The following CDH6 variants were observed in gnomAD, a reference collection of about 807,000 sequenced individuals.
CDH6 encodes cadherin 6, also known as cadherin-6.
Under a neutral mutation model 78.0 loss-of-function variants are expected in CDH6, and 31 were observed. That is an observed-to-expected ratio of 0.40 (90% CI 0.30 to 0.54). The LOEUF is 0.54. CDH6 is among the 20% of genes least tolerant of loss of function. The pLI is 0.56. For missense variants in CDH6, 724 were observed against 975.9 expected (o/e 0.74, Z 3.44); for synonymous variants, 376 against 368.8 (o/e 1.02, Z -0.23).
intron 5 of CDH6, among the ~76,000 whole-genome samples, chr5:31,301,812 C>T (rs1179360890): frequency 6.6e-6 from 1 of 152,230 alleles, no homozygotes; most frequent in East Asian, 1.9e-4. Flanking sequence ...TTGAAACCTT[C>T]TATGCCTCCT....
chr5:31,231,405 T>C (rs1741306598), intron 1 of CDH6, among the ~76,000 whole-genome samples: 1 of 152,180 alleles, frequency 6.6e-6, no homozygotes, highest in South Asian at 2.1e-4. Flanking sequence ...AGTTCCAGCT[T>C]ATTTTGAATA....
chr5:31,226,866 A>G (rs1340388327), intron 1 of CDH6, among the ~76,000 whole-genome samples: 1 of 152,218 alleles, frequency 6.6e-6, no homozygotes, highest in East Asian at 1.9e-4. Context: ...TTATTATGCA[A>G]TCAAATCACT....
chr5:31,271,419 T>G (rs189502542), intron 2 of CDH6, among the ~76,000 whole-genome samples: 42 of 152,314 alleles, frequency 2.8e-4, no homozygotes, highest in African/African-American at 9.9e-4. Context: ...TGTCTTAACC[T>G]TCCTCAGCCT....
intron 1 of CDH6, among the ~76,000 whole-genome samples, chr5:31,202,284 T>A (rs1230779002): frequency 1.3e-5 from 2 of 152,176 alleles, no homozygotes; most frequent in Non-Finnish European, 2.9e-5. Flanking sequence ...AGCTTAAATC[T>A]CCTTTTGCAG....
rs1225191317 is a variant in CDH6, at chr5:31,305,397, A to G, written c.1223A>G (p.Gln408Arg). 1.2e-6 allele frequency: 2 copies of G among 1,614,074 alleles called. No individual in the cohort carries two copies. The highest frequency in any genetic ancestry group is 1.7e-4 in the Middle Eastern group (1 of 6,054). ...ACCACAATAGGCTCCGTCACAGCCCAAGATCCAGATGCTGCCAGGAATCCT... is the reference window on the plus strand; with the variant it reads ...ACCACAATAGGCTCCGTCACAGCCCGAGATCCAGATGCTGCCAGGAATCCT... ...INTTIGSVTA[Q>R]DPDAARNPVK... Residue 408 changes from glutamine to arginine, a missense_variant, in exon 7 of 12, where the codon CAA becomes CGA. Coordinates refer to ENST00000265071, the MANE Select transcript of CDH6 (RefSeq NM_004932.4).
At chr5:31,306,608 C>A (rs949690723) in intron 7 of CDH6, among the ~76,000 whole-genome samples, 1 of 152,098 alleles carries the variant, frequency 6.6e-6, no homozygotes, top group East Asian at 1.9e-4. Context: ...GTCAATTACT[C>A]CCCATAAACA....
At chr5:31,251,594 G>A (rs1741910823) in intron 1 of CDH6, 1 of 152,146 alleles carries the variant, frequency 6.6e-6, no homozygotes, top group African/African-American at 2.4e-5. Context: ...AATGGGAATT[G>A]GAAGTCACTT....
intron 1 of CDH6, among the ~76,000 whole-genome samples, chr5:31,259,898 C>A (rs1742166754): frequency 6.6e-6 from 1 of 152,136 alleles, no homozygotes; most frequent in African/African-American, 2.4e-5. Context: ...CAGTGGGGAC[C>A]GTGGCAGCCC....
intron 4 of CDH6, among the ~76,000 whole-genome samples, chr5:31,297,804 G>A (rs968673971): frequency 2.0e-5 from 3 of 152,088 alleles, no homozygotes; most frequent in African/African-American, 7.2e-5. Context: ...ATTTATTTGG[G>A]TGAATAAAAT....
At chr5:31,194,630 G>C (rs1235281653) in intron 1 of CDH6, among the ~76,000 whole-genome samples, 1 of 152,110 alleles carries the variant, frequency 6.6e-6, no homozygotes, top group African/African-American at 2.4e-5. Context: ...CATATGGAAG[G>C]CGCAGTTCGC....
At chr5:31,302,909 A>AAGAAAGAG (rs1337729173) in intron 6 of CDH6, among the ~76,000 whole-genome samples, 1 of 104,006 alleles carries the variant, frequency 9.6e-6, no homozygotes, top group East Asian at 3.3e-4. Flanking sequence ...GAAAAAAAGA[A>AAGAAAGAG]AGAAAGAAAG....
intron 1 of CDH6, among the ~76,000 whole-genome samples, chr5:31,263,135 T>C (rs1182853292): frequency 6.6e-6 from 1 of 152,182 alleles, no homozygotes. Flanking sequence ...CTTAAAGTTA[T>C]AGAAACTAAG....
intron 1 of CDH6, among the ~76,000 whole-genome samples, chr5:31,221,035 G>T (rs1208956277): frequency 6.6e-6 from 1 of 152,142 alleles, no homozygotes; most frequent in Non-Finnish European, 1.5e-5. Flanking sequence ...GTTCAGGGGG[G>T]AGACATTTAA....
chr5:31,303,909 A>T (rs563424308), intron 6 of CDH6, among the ~76,000 whole-genome samples: 2 of 152,204 alleles, frequency 1.3e-5, no homozygotes, highest in Admixed American at 6.5e-5. Flanking sequence ...TTGGTGCCTT[A>T]TCAGATTCGA....
intron 2 of CDH6, among the ~76,000 whole-genome samples, chr5:31,287,083 A>G (rs1743031553): frequency 6.6e-6 from 1 of 152,174 alleles, no homozygotes. Context: ...TCTTGACTCC[A>G]GATCTCAAGA....
intron 2 of CDH6, among the ~76,000 whole-genome samples, chr5:31,284,995 A>T (rs1579882418): frequency 6.6e-6 from 1 of 152,316 alleles, no homozygotes; most frequent in South Asian, 2.1e-4. Context: ...AATCAGGAAG[A>T]TTTTATTGGG....
intron 1 of CDH6, among the ~76,000 whole-genome samples, chr5:31,258,703 G>A (rs765042720): frequency 1.2e-4 from 19 of 152,108 alleles, no homozygotes; most frequent in Non-Finnish European, 2.1e-4. Context: ...CATGTGTGTA[G>A]AGCATTTATC....
At chr5:31,291,246 C>T (rs369836617) in intron 2 of CDH6, among the ~76,000 whole-genome samples, 3 of 151,834 alleles carry the variant, frequency 2.0e-5, no homozygotes, top group Non-Finnish European at 4.4e-5. Context: ...TTAGAGATAC[C>T]ATGTGTCTGT....
intron 3 of CDH6, 68 bp from the exon 4 acceptor site, chr5:31,297,221 T>C (rs1737634498): frequency 1.5e-6 from 2 of 1,362,132 alleles, no homozygotes; most frequent in African/African-American, 2.9e-5. Context: ...ATCGTGCTGG[T>C]TTTGGTGTGT....
Sources: allele counts gnomAD v4.1 joint callset (sites outside exome capture counted in the v4.1 genomes callset), GRCh38; gene constraint gnomAD v4.1.1; transcripts MANE v1.5; gene names NCBI Gene and HGNC (gene_info 2026-07-23, HGNC 2026-07-21).